IGSF21: variants seen among roughly 807,000 people sequenced by gnomAD.
IGSF21 encodes the protein immunoglobin superfamily member 21, also known as immunoglobulin superfamily member 21.
IGSF21 carries 28 observed loss-of-function variants against 46.8 expected under a neutral mutation model. That is an observed-to-expected ratio of 0.60 (90% confidence interval 0.44 to 0.82). The LOEUF is 0.82. IGSF21 is among the 40% of genes least tolerant of loss of function. The probability of loss-of-function intolerance (pLI) is 0.00; values close to 1 mark genes in which losing one functional copy is unlikely to be tolerated. For missense variants in IGSF21, 624 were observed against 665.5 expected, an observed-to-expected ratio of 0.94 and a Z score of 0.69; for synonymous variants, 284 against 273.6, an observed-to-expected ratio of 1.04 and a Z score of -0.38.
chr1:18,275,388 C>T lies in IGSF21; in HGVS notation c.184-16478C>T, dbSNP rs1000050305. On this transcript the variant is annotated intron_variant, in intron 2 of 9. Coordinates refer to ENST00000251296, the MANE Select transcript of IGSF21 (RefSeq NM_032880.5). ...CAAGGGGATGGAGAACTGACCTTCC[C>T]GTCTCAGCAATCCCGTCCCATTCTT... 2.6e-5 allele frequency among the ~76,000 whole-genome samples: 4 copies of T among 152,286 alleles called. No individual in the cohort carries two copies. In the Middle Eastern group the frequency reaches 0.014, roughly 518 times the overall value.
chr1:18,238,119 A>G (rs915525368), intron 2 of IGSF21, among the ~76,000 whole-genome samples: 2 of 151,964 alleles, frequency 1.3e-5, no homozygotes, highest in African/African-American at 2.4e-5. Flanking sequence ...CAACTGAAAA[A>G]CCCAGGAAAT....
chr1:18,121,540 G>A (rs757623898), intron 1 of IGSF21, among the ~76,000 whole-genome samples: 14 of 152,110 alleles, frequency 9.2e-5, no homozygotes, highest in African/African-American at 2.2e-4. Flanking sequence ...TGAAATTGCC[G>A]TGACAAATAC....
chr1:18,173,901 G>A (rs2086768653), intron 1 of IGSF21, among the ~76,000 whole-genome samples: 1 of 152,034 alleles, frequency 6.6e-6, no homozygotes, highest in Non-Finnish European at 1.5e-5. Context: ...CTACAGGCGA[G>A]TGCCACCACG....
At chr1:18,244,093 C>T (rs1225461178) in intron 2 of IGSF21, among the ~76,000 whole-genome samples, 1 of 152,214 alleles carries the variant, frequency 6.6e-6, no homozygotes, top group Non-Finnish European at 1.5e-5. Flanking sequence ...TCAAAAGTGC[C>T]TGATTTGGAC....
intron 1 of IGSF21, chr1:18,114,423 C>T (rs17434130): frequency 6.6e-6 from 1 of 152,084 alleles, no homozygotes; most frequent in Non-Finnish European, 1.5e-5. Context: ...ACATGTGCAA[C>T]CTGGTTTTGA....
chr1:18,258,113 C>T (rs571590635), intron 2 of IGSF21, among the ~76,000 whole-genome samples: 3 of 152,256 alleles, frequency 2.0e-5, no homozygotes, highest in African/African-American at 7.2e-5. Context: ...CAGTTGCGCT[C>T]CTTGACACTC....
At chr1:18,295,310 A>T (rs1165788403) in intron 3 of IGSF21, among the ~76,000 whole-genome samples, 2 of 152,186 alleles carry the variant, frequency 1.3e-5, no homozygotes, top group Non-Finnish European at 2.9e-5. Context: ...AATTGACAAG[A>T]ATGTATTCCC....
In IGSF21 at chr1:18,334,827, C is replaced by T. The variant is rs1324426260; in HGVS notation, c.306-65C>T. On this transcript the variant is annotated intron_variant, in intron 3 of 9. Transcript: ENST00000251296. This position sits in a 1 kb window ranked among gnomAD's most constrained non-coding sequence, Gnocchi z 4.3. ...CACCAGTGGGCATCAGGATGAGTTT[C>T]CTTGAACGCTGCCTCACCCAGCCCC... 6 of 1,205,906 alleles carry T rather than the reference C, an allele frequency of 5.0e-6. No individual in the cohort carries two copies. The highest frequency in any genetic ancestry group is 3.0e-5 in the African/African-American group (2 of 67,026). 74.7% of individuals were successfully genotyped at this position (1,205,906 alleles called of 1,614,324 possible).
chr1:18,216,247 G>A (rs2084445009), intron 1 of IGSF21, among the ~76,000 whole-genome samples: 1 of 152,148 alleles, frequency 6.6e-6, no homozygotes, highest in South Asian at 2.1e-4. Flanking sequence ...AAAAATAATT[G>A]GAGGGGTTTG....
chr1:18,274,445 G>A (rs2085080809), intron 2 of IGSF21, among the ~76,000 whole-genome samples: 1 of 152,248 alleles, frequency 6.6e-6, no homozygotes, highest in African/African-American at 2.4e-5. Flanking sequence ...AGGAAAAGAG[G>A]GGCTTATAAG....
At chr1:18,342,120 G>A (rs1255024693) in intron 4 of IGSF21, among the ~76,000 whole-genome samples, 3 of 151,086 alleles carry the variant, frequency 2.0e-5, no homozygotes, top group Admixed American at 6.6e-5. Flanking sequence ...TCTTGAGACA[G>A]TCTTGCTCTG....
intron 3 of IGSF21, among the ~76,000 whole-genome samples, chr1:18,327,037 A>T (rs2085664504): frequency 6.6e-6 from 1 of 152,174 alleles, no homozygotes. Flanking sequence ...GATTAAAAGA[A>T]AAGAGGGTCA....
At chr1:18,271,092 C>T (rs567825808) in intron 2 of IGSF21, among the ~76,000 whole-genome samples, 1 of 152,158 alleles carries the variant, frequency 6.6e-6, no homozygotes, top group Non-Finnish European at 1.5e-5. Context: ...CACAGAGAGA[C>T]AGCTGCTCGC....
rs2086124132 is a variant in IGSF21, at chr1:18,109,666, C to A, written c.70+1468C>A. 6.6e-6 allele frequency: 1 copy of A among 152,128 alleles called. No individual in the cohort carries two copies. The highest frequency in any genetic ancestry group is 1.5e-5 in the Non-Finnish European group (1 of 68,046). The allele number at this position is 152,128 out of a possible 1,614,324, so 9.4% of individuals were successfully genotyped here. On this transcript the variant is annotated intron_variant, in intron 1 of 9. Transcript: ENST00000251296. The surrounding 1 kb of genome is among the most constrained non-coding windows in gnomAD (Gnocchi z 4.8). ...TGGTGTAACCCAGAAGGAATGCAAA[C>A]CCTGTACTTTGTTCCCCTACCCTTG... is the stretch of plus-strand genomic sequence containing the variant.
At chr1:18,268,620 G>A (rs1365371198) in intron 2 of IGSF21, among the ~76,000 whole-genome samples, 5 of 152,186 alleles carry the variant, frequency 3.3e-5, no homozygotes, top group South Asian at 2.1e-4. Context: ...TCTCTCCTCC[G>A]GCCCTAAGGT....
intron 1 of IGSF21, among the ~76,000 whole-genome samples, chr1:18,205,334 A>C (rs1041581984): frequency 6.6e-6 from 1 of 152,170 alleles, no homozygotes. Context: ...GAGAGATGTC[A>C]TTAAAGATTA....
chr1:18,319,499 G>C (rs1470672384), intron 3 of IGSF21, among the ~76,000 whole-genome samples: 1 of 151,722 alleles, frequency 6.6e-6, no homozygotes, highest in East Asian at 1.9e-4. Flanking sequence ...TCTTTACACA[G>C]GCTGTAAGCC....
intron 2 of IGSF21, among the ~76,000 whole-genome samples, chr1:18,244,210 A>G (rs1355773562): frequency 6.6e-6 from 1 of 152,232 alleles, no homozygotes; most frequent in Non-Finnish European, 1.5e-5. Context: ...GGACAGATTC[A>G]AGGGCAGCGC....
intron 2 of IGSF21, among the ~76,000 whole-genome samples, chr1:18,249,455 CA>C (rs1366900292): frequency 6.6e-6 from 1 of 152,084 alleles, no homozygotes; most frequent in Admixed American, 6.5e-5. Flanking sequence ...GCTGCTTCAC[CA>C]GATGCAGAAG....
Sources: gnomAD v4.1 joint callset for allele counts (sites outside exome capture counted in the v4.1 genomes callset) on GRCh38, gnomAD v4.1.1 for gene constraint, Gnocchi (gnomAD v3.1) non-coding constraint, MANE v1.5 for transcripts, NCBI Gene and HGNC (gene_info 2026-07-23, HGNC 2026-07-21) for gene names.